RIMS3: variants seen among roughly 807,000 people sequenced by gnomAD.
The protein encoded by RIMS3 is regulating synaptic membrane exocytosis protein 3.
In RIMS3, 15 loss-of-function variants were observed where a neutral mutation model predicts 29.2. The ratio of observed to expected loss-of-function variants is 0.51; its 90% CI spans 0.34 to 0.79. RIMS3 has a LOEUF of 0.79. RIMS3 is among the 30% of genes least tolerant of loss of function. The pLI is 0.01. For synonymous variants in RIMS3, 161 were observed against 170.1 expected, an observed-to-expected ratio of 0.95 and a Z score of 0.41; for missense variants, 342 against 421.4, an observed-to-expected ratio of 0.81 and a Z score of 1.65.
chr1:40,685,964 A>G, the RIMS3 span, among the ~76,000 whole-genome samples: 1 of 152,164 alleles, frequency 6.6e-6, no homozygotes, highest in African/African-American at 2.4e-5. Flanking sequence ...CTTGGCCAAC[A>G]TGGTGAAACC....
chr1:40,646,401 C>T (rs892244683), intron 2 of RIMS3, among the ~76,000 whole-genome samples: 4 of 152,108 alleles, frequency 2.6e-5, no homozygotes, highest in African/African-American at 9.7e-5. Context: ...CAGAGCACAC[C>T]GTGTCACATG....
chr1:40,667,387 A>AG, upstream of RIMS3, among the ~76,000 whole-genome samples: 1 of 151,538 alleles, frequency 6.6e-6, no homozygotes, highest in Non-Finnish European at 1.5e-5. Context: ...ACCTGGAACG[A>AG]GGGTGGAGGT....
chr1:40,620,951 A>C lies in RIMS3; in HGVS notation c.*5566T>G, dbSNP rs1231402479. ...CCCTATCAGCTATCTCTCTCTTTGC[A>C]GGATGCATTTGGAAAGTCTAAAAAA... On this transcript the variant is annotated 3_prime_UTR_variant, in exon 8 of 8. Coordinates refer to ENST00000372684, the MANE Select transcript of RIMS3 (RefSeq NM_014747.3). 4 of 152,756 alleles carry C rather than the reference A, an allele frequency of 2.6e-5. No homozygotes were observed. Among genetic ancestry groups the C allele is most frequent in the Non-Finnish European group, 5.9e-5 (4 of 68,042 alleles). 9.5% of individuals were successfully genotyped at this position (152,756 alleles called of 1,614,324 possible). A position where few individuals can be genotyped will look rare whatever the true frequency, so the allele number is the denominator to read the frequency against.
At chr1:40,691,560 T>C in the RIMS3 span, 1 of 307,382 alleles carries the variant, frequency 3.3e-6, no homozygotes, top group Non-Finnish European at 6.6e-6. Flanking sequence ...GGGGCGGGGT[T>C]AAAACTCTCA....
chr1:40,630,296 T>G (rs1303572115), intron 5 of RIMS3, among the ~76,000 whole-genome samples: 1 of 152,120 alleles, frequency 6.6e-6, no homozygotes, highest in Non-Finnish European at 1.5e-5. Flanking sequence ...GCAAGGTCTG[T>G]GTGTGGAGTT....
At chr1:40,684,378 G>C in the RIMS3 span, among the ~76,000 whole-genome samples, 1 of 152,132 alleles carries the variant, frequency 6.6e-6, no homozygotes, top group Non-Finnish European at 1.5e-5. Flanking sequence ...GTTCCTCATA[G>C]CTCAAGATCT....
chr1:40,628,137 T>C (rs1413442204), intron 7 of RIMS3, among the ~76,000 whole-genome samples: 1 of 152,176 alleles, frequency 6.6e-6, no homozygotes, highest in Admixed American at 6.5e-5. Context: ...CAATCCTCTG[T>C]TTAATAGTCA....
the RIMS3 span, among the ~76,000 whole-genome samples, chr1:40,689,665 C>T: frequency 6.6e-6 from 1 of 152,314 alleles, no homozygotes; most frequent in South Asian, 2.1e-4. Context: ...TCACCCTAAT[C>T]TCCTAGGGAC....
intron 1 of RIMS3, among the ~76,000 whole-genome samples, chr1:40,656,859 C>T (rs1451785262): frequency 6.6e-6 from 1 of 151,544 alleles, no homozygotes; most frequent in African/African-American, 2.4e-5. Flanking sequence ...GACTTGATAT[C>T]GTTGAGAGGG....
chr1:40,677,325 A>G, the RIMS3 span, among the ~76,000 whole-genome samples: 39 of 151,820 alleles, frequency 2.6e-4, no homozygotes, highest in African/African-American at 9.4e-4. Flanking sequence ...GGAAATATTG[A>G]GATTGAACTT....
At chr1:40,666,834 G>A (rs573361535), upstream of RIMS3, among the ~76,000 whole-genome samples, 27 of 152,244 alleles carry the variant, frequency 1.8e-4, 1 homozygote, top group South Asian at 5.6e-3. Context: ...AGATCAACCT[G>A]GCCAACATGG....
At chr1:40,632,732 A>G (rs919987027) in intron 5 of RIMS3, among the ~76,000 whole-genome samples, 2 of 152,052 alleles carry the variant, frequency 1.3e-5, no homozygotes, top group African/African-American at 4.8e-5. Flanking sequence ...GAAAAGCGAT[A>G]AGAAAATTAC....
the RIMS3 span, chr1:40,692,065 G>A: frequency 4.9e-6 from 1 of 203,646 alleles, no homozygotes; most frequent in Non-Finnish European, 1.1e-5. Context: ...TGGGGTCCGT[G>A]TGCCTCGTCG....
intron 1 of RIMS3, among the ~76,000 whole-genome samples, chr1:40,653,510 C>A (rs1381672689): frequency 1.3e-5 from 2 of 152,150 alleles, no homozygotes; most frequent in African/African-American, 4.8e-5. Context: ...ACAGGAGAAG[C>A]CCAGGCCTGA....
chr1:40,685,857 AAGT>A, the RIMS3 span, among the ~76,000 whole-genome samples: 1 of 152,130 alleles, frequency 6.6e-6, no homozygotes, highest in African/African-American at 2.4e-5. Flanking sequence ...AAAAAAAAAA[AAGT>A]AGGCTGGACG....
intron 1 of RIMS3, among the ~76,000 whole-genome samples, chr1:40,655,129 TCAGCACAAAGCG>T (rs1642257815): frequency 6.6e-6 from 1 of 152,120 alleles, no homozygotes; most frequent in South Asian, 2.1e-4. Context: ...GGACAAGCAG[TCAGCACAAAGCG>T]GTGGACAAAG....
chr1:40,691,539 G>C, the RIMS3 span: 1 of 298,254 alleles, frequency 3.4e-6, no homozygotes, highest in South Asian at 2.3e-5. Flanking sequence ...CAGATCTCGA[G>C]CTCCCGAAAG....
intron 1 of RIMS3, among the ~76,000 whole-genome samples, chr1:40,664,289 C>T (rs1029595001): frequency 3.3e-5 from 5 of 152,080 alleles, no homozygotes; most frequent in African/African-American, 1.2e-4. Flanking sequence ...AGGCTACCCA[C>T]ATGCCCCCAG....
intron 1 of RIMS3, among the ~76,000 whole-genome samples, chr1:40,662,818 A>G (rs1164546940): frequency 2.6e-5 from 4 of 152,114 alleles, no homozygotes; most frequent in Non-Finnish European, 4.4e-5. Flanking sequence ...AATTATTCCT[A>G]TTTTCCAGAG....
Sources: allele counts gnomAD v4.1 joint callset (sites outside exome capture counted in the v4.1 genomes callset), GRCh38; gene constraint gnomAD v4.1.1; transcripts MANE v1.5; gene names NCBI Gene and HGNC (gene_info 2026-07-23, HGNC 2026-07-21).